Variants in GALNT11 observed in about 807,000 individuals in gnomAD.
GALNT11 encodes the protein UDP-GalNAc:polypeptide N-acetylgalactosaminyltransferase 11.
A neutral mutation model predicts 72.7 loss-of-function variants in GALNT11; 47 were observed. The observed-to-expected ratio is 0.65, with a 90% CI of 0.51 to 0.82. The LOEUF (loss-of-function observed/expected upper bound fraction) is 0.82. Ranked by LOEUF, GALNT11 falls within the 40% of genes least tolerant of loss-of-function variation. The probability of loss-of-function intolerance (pLI) is 0.00; values close to 1 mark genes in which losing one functional copy is unlikely to be tolerated. For missense variants in GALNT11, 677 were observed against 778.4 expected (o/e 0.87, Z 1.55); for synonymous variants, 270 against 286.6 (o/e 0.94, Z 0.58).
In GALNT11 at chr7:152,032,438, A is replaced by G. The variant is rs186753016; in HGVS notation, c.-39+6554A>G. Among the ~76,000 whole-genome samples the G allele has an allele frequency of 6.4e-3, 971 of 152,318 alleles. 8 individuals are homozygous for G. Among genetic ancestry groups the G allele is most frequent in the African/African-American group, 0.023 (943 of 41,566 alleles). ...GAGCAGGGTATAGGGGTTGGGTACA[A>G]CTGGATATAGAGGAATTACTGCCTC... is the stretch of plus-strand genomic sequence containing the variant. On this transcript the variant is annotated intron_variant, in intron 1 of 11. Transcript: ENST00000430044.
chr7:152,088,822 T>C (rs1210435938), intron 1 of GALNT11, among the ~76,000 whole-genome samples: 2 of 152,234 alleles, frequency 1.3e-5, no homozygotes, highest in African/African-American at 4.8e-5. Flanking sequence ...TATGTTTTTC[T>C]AGGAATTTGA....
At chr7:152,112,455 C>T (rs7807528) in intron 7 of GALNT11, among the ~76,000 whole-genome samples, 8,151 of 151,716 alleles carry the variant, frequency 0.054, 348 homozygotes, top group East Asian at 0.17. Flanking sequence ...GCAGGAGAAT[C>T]GCTTGAACCT....
At chr7:152,061,535 A>T (rs1180926413) in intron 1 of GALNT11, among the ~76,000 whole-genome samples, 1 of 152,178 alleles carries the variant, frequency 6.6e-6, no homozygotes, top group Non-Finnish European at 1.5e-5. Context: ...TGTTTTAGAC[A>T]TGAAGTCCTT....
At chr7:152,075,884 AC>A (rs1243552932) in intron 1 of GALNT11, among the ~76,000 whole-genome samples, 1 of 150,886 alleles carries the variant, frequency 6.6e-6, no homozygotes, top group African/African-American at 2.4e-5. Context: ...ACACACTGAA[AC>A]CCCGTCTCTA....
intron 1 of GALNT11, among the ~76,000 whole-genome samples, chr7:152,042,921 C>T (rs1022557927): frequency 6.6e-6 from 1 of 152,182 alleles, no homozygotes; most frequent in Non-Finnish European, 1.5e-5. Context: ...ACGGCCAGTG[C>T]TGTAGAGAAA....
chr7:152,105,404 T>C (rs367884115), intron 5 of GALNT11, 34 bp downstream of exon 5: 1 of 1,598,024 alleles, frequency 6.3e-7, no homozygotes, highest in Non-Finnish European at 8.5e-7. Flanking sequence ...TCTACAGGTG[T>C]TGGATGACAA....
At chr7:152,073,498 A>G (rs982149086) in intron 1 of GALNT11, among the ~76,000 whole-genome samples, 8 of 152,352 alleles carry the variant, frequency 5.3e-5, no homozygotes, top group South Asian at 2.1e-4. Flanking sequence ...ATGGCTGAAT[A>G]GTATTTCATT....
intron 1 of GALNT11, among the ~76,000 whole-genome samples, chr7:152,027,255 ATTTATT>A (rs2082066005): frequency 6.6e-6 from 1 of 152,176 alleles, no homozygotes; most frequent in South Asian, 2.1e-4. Context: ...TCTCAAAAAA[ATTTATT>A]TTTAATTTTT....
intron 1 of GALNT11, among the ~76,000 whole-genome samples, chr7:152,063,589 G>A (rs184614251): frequency 3.9e-5 from 6 of 152,062 alleles, no homozygotes; most frequent in Admixed American, 3.9e-4. Context: ...GCTTTCTTTT[G>A]TGGGCATTTA....
At position 152,121,698 on chromosome 7, in the gene GALNT11, C is replaced by A. The variant is rs199859503; in HGVS notation, c.*21C>A. Reference sequence around the variant, plus strand: ...GTTAAGGTGGATGCTGTGGTGGGAACGTTGCTTCATCAGGCGTTGCCTCCG... The same window carrying A: ...GTTAAGGTGGATGCTGTGGTGGGAAAGTTGCTTCATCAGGCGTTGCCTCCG... On this transcript the variant is annotated 3_prime_UTR_variant, in exon 12 of 12. Coordinates refer to ENST00000430044, the MANE Select transcript of GALNT11 (RefSeq NM_022087.4). 2 of 1,606,172 alleles carry A rather than the reference C, an allele frequency of 1.2e-6. No homozygotes were observed. Among genetic ancestry groups the A allele is most frequent in the Non-Finnish European group, 8.5e-7 (1 of 1,174,922 alleles).
chr7:152,055,617 T>A (rs1052528205), intron 1 of GALNT11, among the ~76,000 whole-genome samples: 1 of 151,460 alleles, frequency 6.6e-6, no homozygotes, highest in Non-Finnish European at 1.5e-5. Flanking sequence ...ATTTGGTACT[T>A]TTTGTTAAGA....
intron 2 of GALNT11, among the ~76,000 whole-genome samples, chr7:152,100,305 C>T (rs779827620): frequency 1.6e-4 from 25 of 151,934 alleles, no homozygotes; most frequent in Non-Finnish European, 2.4e-4. Context: ...TGGTGTCTCA[C>T]GCCTGTAATC....
At chr7:152,107,989 A>G in intron 5 of GALNT11, 49 bp from the exon 6 acceptor site, 2 of 1,566,786 alleles carry the variant, frequency 1.3e-6, no homozygotes, top group Non-Finnish European at 1.7e-6. Flanking sequence ...GGTTGTACCT[A>G]AATTGAGTGT....
intron 1 of GALNT11, among the ~76,000 whole-genome samples, chr7:152,061,122 C>G (rs1405649866): frequency 1.3e-5 from 2 of 152,152 alleles, no homozygotes; most frequent in Non-Finnish European, 2.9e-5. Context: ...TCTCCACATC[C>G]TCTCCAGCAC....
chr7:152,062,599 G>T (rs1258500146), intron 1 of GALNT11, among the ~76,000 whole-genome samples: 1 of 152,034 alleles, frequency 6.6e-6, no homozygotes, highest in Non-Finnish European at 1.5e-5. Flanking sequence ...ATTGGCTGTG[G>T]GTTTGTCATA....
intron 1 of GALNT11, among the ~76,000 whole-genome samples, chr7:152,041,519 G>A (rs573445307): frequency 5.9e-5 from 9 of 152,202 alleles, no homozygotes; most frequent in Non-Finnish European, 1.2e-4. Flanking sequence ...ATTAGCATGT[G>A]GAAGAAAAAG....
chr7:152,107,067 T>TA lies in GALNT11; in HGVS notation c.713-970dup, dbSNP rs556826493. Among the ~76,000 whole-genome samples the TA allele has an allele frequency of 3.3e-4, 50 of 152,316 alleles. No individual in the cohort carries two copies. The East Asian group carries it at 7.1e-3, about 22-fold the overall frequency. ...GGGCATCATTGAAAACTGTCTGAGA[T>TA]ACTGCTTTTATCACTAGTTGAAGTT... On this transcript the variant is annotated intron_variant, in intron 5 of 11. Coordinates refer to ENST00000430044, the MANE Select transcript of GALNT11 (RefSeq NM_022087.4).
chr7:152,099,593 G>A (rs924833549), intron 2 of GALNT11, among the ~76,000 whole-genome samples: 2 of 115,312 alleles, frequency 1.7e-5, no homozygotes, highest in African/African-American at 3.3e-5. Flanking sequence ...TCACCGTGTT[G>A]GCCAGGCTGA....
intron 1 of GALNT11, among the ~76,000 whole-genome samples, chr7:152,066,567 G>A (rs911810365): frequency 6.6e-6 from 1 of 152,162 alleles, no homozygotes; most frequent in African/African-American, 2.4e-5. Flanking sequence ...GTTCCTATTT[G>A]GCCATCTTGG....
Sources: allele counts gnomAD v4.1 joint callset (sites outside exome capture counted in the v4.1 genomes callset), GRCh38; gene constraint gnomAD v4.1.1; transcripts MANE v1.5; gene names NCBI Gene and HGNC (gene_info 2026-07-23, HGNC 2026-07-21).